Variants in CFAP20DC observed in about 807,000 individuals in gnomAD.
The protein encoded by CFAP20DC is CFAP20 domain containing.
CFAP20DC carries 84 observed loss-of-function variants against 101.7 expected under a neutral mutation model. The observed-to-expected ratio is 0.83, with a 90% CI of 0.69 to 0.99. The LOEUF is 0.99. CFAP20DC is among the 50% of genes least tolerant of loss of function. The pLI is 0.00. For synonymous variants in CFAP20DC, 359 were observed against 351.2 expected (o/e 1.02, Z -0.25); for missense variants, 1,007 against 970.3 (o/e 1.04, Z -0.50).
intron 13 of CFAP20DC, among the ~76,000 whole-genome samples, chr3:58,841,815 C>T (rs1391162596): frequency 4.6e-5 from 7 of 152,300 alleles, no homozygotes; most frequent in Middle Eastern, 3.4e-3. Context: ...TATGAAACTA[C>T]GCATTCTTCA....
chr3:58,889,296 G>A (rs1376558316), intron 6 of CFAP20DC, among the ~76,000 whole-genome samples: 7 of 152,002 alleles, frequency 4.6e-5, no homozygotes, highest in African/African-American at 9.7e-5. Context: ...ATTTGCCTCC[G>A]TTCCATTTAC....
At chr3:58,926,590 A>G (rs1270640923) in intron 5 of CFAP20DC, among the ~76,000 whole-genome samples, 8 of 152,148 alleles carry the variant, frequency 5.3e-5, no homozygotes, top group African/African-American at 1.9e-4. Context: ...TCATTCAATG[A>G]CACTCAAAAA....
At chr3:58,761,271 T>A (rs563338860) in intron 15 of CFAP20DC, among the ~76,000 whole-genome samples, 1 of 152,318 alleles carries the variant, frequency 6.6e-6, no homozygotes, top group African/African-American at 2.4e-5. Flanking sequence ...TGGGAGGGTG[T>A]ATGTGTCGAG....
chr3:59,046,368 T>A (rs1240305568), intron 2 of CFAP20DC, 46 bp from the exon 3 acceptor site: 2 of 1,194,850 alleles, frequency 1.7e-6, no homozygotes, highest in African/African-American at 3.2e-5. Flanking sequence ...ATATTTTATT[T>A]GGCTTCTACT....
intron 5 of CFAP20DC, among the ~76,000 whole-genome samples, chr3:58,922,468 T>A (rs770688051): frequency 7.2e-5 from 11 of 152,212 alleles, no homozygotes; most frequent in Non-Finnish European, 1.6e-4. Flanking sequence ...AGATCCCTCA[T>A]GAATGGCTTG....
chr3:58,818,434 G>C (rs1160608614), intron 14 of CFAP20DC, among the ~76,000 whole-genome samples: 1 of 150,968 alleles, frequency 6.6e-6, no homozygotes, highest in African/African-American at 2.5e-5. Flanking sequence ...CAAAATAAAA[G>C]GATGGAGGAA....
chr3:58,959,431 A>G (rs1190201816), intron 4 of CFAP20DC, among the ~76,000 whole-genome samples: 1 of 152,210 alleles, frequency 6.6e-6, no homozygotes, highest in African/African-American at 2.4e-5. Flanking sequence ...ATTTGAGTTT[A>G]TTTTTGTTTA....
chr3:58,893,575 C>G (rs2082425437), intron 6 of CFAP20DC, among the ~76,000 whole-genome samples: 1 of 152,184 alleles, frequency 6.6e-6, no homozygotes, highest in African/African-American at 2.4e-5. Context: ...CAATGTTCAT[C>G]AAGGATATTG....
At chr3:58,845,701 A>G (rs1263619000) in intron 13 of CFAP20DC, among the ~76,000 whole-genome samples, 1 of 151,670 alleles carries the variant, frequency 6.6e-6, no homozygotes, top group East Asian at 1.9e-4. Context: ...CCGGGCAGAG[A>G]CACAACCAAA....
intron 12 of CFAP20DC, among the ~76,000 whole-genome samples, chr3:58,851,808 CA>C (rs1450053368): frequency 6.6e-6 from 1 of 152,042 alleles, no homozygotes; most frequent in African/African-American, 2.4e-5. Context: ...CAGAAGGAGT[CA>C]AACCAGGGTT....
At chr3:58,862,888 A>C (rs1011719936) in intron 12 of CFAP20DC, 2 of 981,212 alleles carry the variant, frequency 2.0e-6, no homozygotes, top group African/African-American at 3.5e-5. Context: ...AAAAGTTATC[A>C]ATGTATTAGG....
At chr3:59,023,670 G>A (rs1397061991) in intron 4 of CFAP20DC, among the ~76,000 whole-genome samples, 1 of 152,026 alleles carries the variant, frequency 6.6e-6, no homozygotes, top group African/African-American at 2.4e-5. Flanking sequence ...TTGGGCTGCA[G>A]GAAATCCTAA....
intron 4 of CFAP20DC, chr3:58,970,592 ATC>A (rs1465770834): frequency 6.6e-6 from 1 of 152,198 alleles, no homozygotes; most frequent in Non-Finnish European, 1.5e-5. Context: ...GTTTTAAGCT[ATC>A]CAGTTTGTGG....
chr3:58,886,426 T>G (rs1466164847), intron 6 of CFAP20DC, among the ~76,000 whole-genome samples: 7 of 151,890 alleles, frequency 4.6e-5, no homozygotes, highest in Non-Finnish European at 1.0e-4. Context: ...GAAAATAAAT[T>G]TATAAAATGT....
At chr3:58,808,864 A>T (rs1359361425) in intron 14 of CFAP20DC, among the ~76,000 whole-genome samples, 1 of 152,186 alleles carries the variant, frequency 6.6e-6, no homozygotes, top group Non-Finnish European at 1.5e-5. Flanking sequence ...AAGAGGATGG[A>T]GGAAGATCTA....
chr3:58,817,430 C>T (rs892987946), intron 14 of CFAP20DC, among the ~76,000 whole-genome samples: 3 of 148,300 alleles, frequency 2.0e-5, no homozygotes, highest in African/African-American at 5.0e-5. Flanking sequence ...ATAACCAATA[C>T]AGAGAAGTGC....
At chr3:58,800,064 C>T (rs544767470) in intron 15 of CFAP20DC, among the ~76,000 whole-genome samples, 11 of 152,152 alleles carry the variant, frequency 7.2e-5, no homozygotes, top group Non-Finnish European at 1.2e-4. Flanking sequence ...TGGTGTGAAA[C>T]ACCATCTGAG....
At chr3:58,937,816 T>C in intron 4 of CFAP20DC, 54 bp from the exon 5 acceptor site, 1 of 937,530 alleles carries the variant, frequency 1.1e-6, no homozygotes, top group Non-Finnish European at 1.7e-6. Context: ...TAATAACCAC[T>C]TCTTTGGATA....
At chr3:58,927,695 G>A (rs1439258901) in intron 5 of CFAP20DC, among the ~76,000 whole-genome samples, 2 of 152,130 alleles carry the variant, frequency 1.3e-5, no homozygotes, top group African/African-American at 2.4e-5. Context: ...AGTTCCTAAG[G>A]GGTAGAAAGA....
Sources: gnomAD v4.1 joint callset for allele counts (sites outside exome capture counted in the v4.1 genomes callset) on GRCh38, gnomAD v4.1.1 for gene constraint, MANE v1.5 for transcripts, NCBI Gene and HGNC (gene_info 2026-07-23, HGNC 2026-07-21) for gene names.